The following TLN1 variants were observed in gnomAD, a reference collection of about 807,000 sequenced individuals.
The protein encoded by TLN1 is talin 1, also known as talin-1.
A neutral mutation model predicts 292.3 loss-of-function variants in TLN1; 56 were observed. That is an observed-to-expected ratio of 0.19 (90% CI 0.15 to 0.24). TLN1 has a LOEUF of 0.24. Ranked by LOEUF, TLN1 falls within the 10% of genes least tolerant of loss-of-function variation. The pLI is 1.00. For missense variants in TLN1, 2,433 were observed against 3,248.2 expected, an observed-to-expected ratio of 0.75 and a Z score of 6.10; for synonymous variants, 1,119 against 1,253.7, an observed-to-expected ratio of 0.89 and a Z score of 2.27.
In TLN1 at chr9:35,713,335, GAGA is replaced by G. The variant is rs777715574; in HGVS notation, c.3250-40_3250-38del. The G allele has an allele frequency of 9.1e-6, 14 of 1,531,354 alleles. No homozygotes were observed. In the Admixed American group the frequency reaches 2.6e-4, roughly 29 times the overall value. 94.9% of individuals were successfully genotyped at this position (1,531,354 alleles called of 1,614,324 possible). Reference sequence around the variant, plus strand: ...GGGGGAAGAATTGGGCTTGAGAAAGGAGAAGGTGAGGAGAAGGAACCTGAGAAG... The same window carrying G: ...GGGGGAAGAATTGGGCTTGAGAAAGGAGGTGAGGAGAAGGAACCTGAGAAG... On this transcript the variant is annotated intron_variant, in intron 25 of 56. Coordinates refer to ENST00000314888, the MANE Select transcript of TLN1 (RefSeq NM_006289.4).
chr9:35,713,822 G>C lies in TLN1; in HGVS notation c.3249+131C>G. 3 of 979,694 alleles carry C rather than the reference G, an allele frequency of 3.1e-6. No homozygotes were observed. In the East Asian group the frequency reaches 8.1e-5, roughly 26 times the overall value. 60.7% of individuals were successfully genotyped at this position (979,694 alleles called of 1,614,324 possible). On this transcript the variant is annotated intron_variant, in intron 25 of 56. Transcript: ENST00000314888. ...AAAGAAAAAAGGAAGGAAGAAGAAA[G>C]AAAAGAAAAATAAAAGAGAGAAAGA...
Position 35,704,860 on chromosome 9 carries a change from AGGGTACCTTCACTGT to A in TLN1, c.5734-60_5734-46del, listed in dbSNP as rs1825535248. 3.1e-6 allele frequency: 5 copies of A among 1,598,590 alleles called. No individual in the cohort carries two copies. The highest frequency in any genetic ancestry group is 4.3e-6 in the Non-Finnish European group (5 of 1,168,854). On this transcript the variant is annotated intron_variant, in intron 43 of 56. Coordinates refer to ENST00000314888, the MANE Select transcript of TLN1 (RefSeq NM_006289.4). This position sits in a 1 kb window ranked among gnomAD's most constrained non-coding sequence, Gnocchi z 6.9. Reference sequence around the variant, plus strand: ...CAGATGGATTTTACAAGGGGCACTCAGGGTACCTTCACTGTGCTTGGAAAAGTCACTAAGGACATA... The same window carrying A: ...CAGATGGATTTTACAAGGGGCACTCAGCTTGGAAAAGTCACTAAGGACATA...
chr9:35,713,857 A>C (rs1825725234), intron 25 of TLN1, 96 bp downstream of exon 25: 1 of 1,351,432 alleles, frequency 7.4e-7, no homozygotes, highest in Admixed American at 2.4e-5. Flanking sequence ...AGAAAAAAGA[A>C]AAAGGAAGGA....
chr9:35,703,809 T>C lies in TLN1; in HGVS notation c.6323A>G (p.Asp2108Gly), dbSNP rs879002543. The C allele has an allele frequency of 1.9e-6, 3 of 1,614,110 alleles. No homozygotes were observed. Among genetic ancestry groups the C allele is most frequent in the African/African-American group, 2.7e-5 (2 of 74,936 alleles). ...GTTCTTTAGCTGCCACACAGCAGGG[T>C]CATCTCCAACTTTGCCAGCTGCAGC... ...TKAAAGKVGDDPAVWQLKNSA... is the reference protein window; with the variant it reads ...TKAAAGKVGDGPAVWQLKNSA... The change falls in exon 47 of 57, where the codon GAC becomes GGC. Residue 2108 changes from aspartate to glycine, a missense_variant. By Grantham distance (94) the Asp-to-Gly change is moderately conservative. Transcript: ENST00000314888.
rs150396007 is a variant in TLN1, at chr9:35,703,329, G to A, written c.6474+231C>T. Among the ~76,000 whole-genome samples the A allele has an allele frequency of 2.3e-4, 35 of 152,284 alleles. No homozygotes were observed. The East Asian group carries it at 5.4e-3, about 23-fold the overall frequency. ...ACATGGTGACTGAGGAAGATGCCATGTGAAATGGAAAGGTCACCCACACCT... is the reference window on the plus strand; with the variant it reads ...ACATGGTGACTGAGGAAGATGCCATATGAAATGGAAAGGTCACCCACACCT... On this transcript the variant is annotated intron_variant, in intron 48 of 56. Coordinates refer to ENST00000314888, the MANE Select transcript of TLN1 (RefSeq NM_006289.4).
Position 35,711,795 on chromosome 9 carries a change from G to A in TLN1, c.3682-3C>T, listed in dbSNP as rs1471233026. On this transcript the variant is annotated splice_polypyrimidine_tract_variant and splice_region_variant and intron_variant, in intron 28 of 56. Coordinates refer to ENST00000314888, the MANE Select transcript of TLN1 (RefSeq NM_006289.4). The stretch of plus-strand genomic sequence containing the variant: ...AATGTCCCAGTGCTAGGAGGAAGCT[G>A]CAAGGTGAGAGGGGAAGTCAGACAG... 4 of 1,613,952 alleles carry A rather than the reference G, an allele frequency of 2.5e-6. No individual in the cohort carries two copies. The highest frequency in any genetic ancestry group is 2.5e-6 in the Non-Finnish European group (3 of 1,180,026).
In TLN1 at chr9:35,719,934, A is replaced by G; in HGVS notation, c.1465-81T>C. The G allele has an allele frequency of 1.9e-6, 3 of 1,582,082 alleles. No individual in the cohort carries two copies. Among genetic ancestry groups the G allele is most frequent in the Non-Finnish European group, 2.6e-6 (3 of 1,159,450 alleles). ...GGTAAAAGAGAACCAGGGTCTAGGG[A>G]GAGAATACAAATAGGGACCTGGGAA... On this transcript the variant is annotated intron_variant, in intron 13 of 56. Coordinates refer to ENST00000314888, the MANE Select transcript of TLN1 (RefSeq NM_006289.4). This position sits in a 1 kb window ranked among gnomAD's most constrained non-coding sequence, Gnocchi z 4.6.
chr9:35,714,158 CG>C lies in TLN1; in HGVS notation c.3121-78del. The C allele has an allele frequency of 6.2e-7, 1 of 1,601,890 alleles. No homozygotes were observed. The highest frequency in any genetic ancestry group is 1.1e-5 in the South Asian group (1 of 90,320). ...ATGCCTCTGATTACACAATTATCTGCGTATTGGGTTATTCTGCACAGATTTC... is the reference window on the plus strand; with the variant it reads ...ATGCCTCTGATTACACAATTATCTGCTATTGGGTTATTCTGCACAGATTTC... On this transcript the variant is annotated intron_variant, in intron 24 of 56. Coordinates refer to ENST00000314888, the MANE Select transcript of TLN1 (RefSeq NM_006289.4). This position sits in a 1 kb window ranked among gnomAD's most constrained non-coding sequence, Gnocchi z 4.6.
rs199962431 is a variant in TLN1, at chr9:35,706,471, T to C, written c.5169A>G (p.Glu1723=). 1.2e-6 allele frequency: 2 copies of C among 1,614,096 alleles called. No homozygotes were observed. The highest frequency in any genetic ancestry group is 2.7e-5 in the African/African-American group (2 of 75,038). ...IEPLANAARA[E]ASQLGHKVSQ... ...GTACCTTGTGTCCCAGCTGGGAGGC[T>C]TCAGCCCGGGCAGCATTGGCCAGCG... The change falls in exon 39 of 57, where the codon GAA becomes GAG. Residue 1723 remains glutamate, a synonymous_variant. Coordinates refer to ENST00000314888, the MANE Select transcript of TLN1 (RefSeq NM_006289.4). The surrounding 1 kb of genome is among the most constrained non-coding windows in gnomAD (Gnocchi z 4.2).
In TLN1 at chr9:35,721,792, T is replaced by C. The variant is rs769840544; in HGVS notation, c.960A>G (p.Lys320=). 1.6e-5 allele frequency: 25 copies of C among 1,608,990 alleles called. No individual in the cohort carries two copies. The highest frequency in any genetic ancestry group is 2.1e-5 in the Non-Finnish European group (25 of 1,175,672). ...GCCTGGGCACTAGCTTGTTCTTCCC[T>C]TTCATTTTTTCCTATGAGGCAGAGG... is the stretch of plus-strand genomic sequence containing the variant. The part of the protein sequence containing the change: ...VSFFLVKEKM[K]GKNKLVPRLL... The change falls in exon 10 of 57, where the codon AAA becomes AAG. Residue 320 remains lysine (K), a synonymous_variant. Coordinates refer to ENST00000314888, the MANE Select transcript of TLN1 (RefSeq NM_006289.4).
In TLN1 at chr9:35,699,153, G is replaced by A; in HGVS notation, c.6878C>T (p.Thr2293Ile). ...GGGGTCCTCTGGGTCTACCCATTCT[G>A]TTCCTGGTGGGATGAAGGAAGAGGA... ...LIQAAEAMKG[T>I]EWVDPEDPTV... The change falls in exon 52 of 57, where the codon ACA (threonine) becomes ATA (isoleucine). Residue 2293 changes from threonine (T) to isoleucine (I), a missense_variant. This residue lies in a region of TLN1 where 1,384 missense variants were observed against 1,699.6 expected (regional missense o/e 0.81). Coordinates refer to ENST00000314888, the MANE Select transcript of TLN1 (RefSeq NM_006289.4). This position sits in a 1 kb window ranked among gnomAD's most constrained non-coding sequence, Gnocchi z 4.0. 1 of 1,604,678 alleles carries A rather than the reference G, an allele frequency of 6.2e-7. No individual in the cohort carries two copies. Among genetic ancestry groups the A allele is most frequent in the Non-Finnish European group, 8.5e-7 (1 of 1,174,354 alleles).
rs1346127875 is a variant in TLN1 at position 35,703,549 on chromosome 9, C to T, written c.6474+11G>A. ...TGACCCTAGTCACTGATGCCCCAGA[C>T]TCTCACTCACCGCCAGCTCCTGCCG... is the stretch of plus-strand genomic sequence containing the variant. On this transcript the variant is annotated intron_variant, in intron 48 of 56. Coordinates refer to ENST00000314888, the MANE Select transcript of TLN1 (RefSeq NM_006289.4). 1 of 1,613,298 alleles carries T rather than the reference C, an allele frequency of 6.2e-7. No homozygotes were observed. Among genetic ancestry groups the T allele is most frequent in the Non-Finnish European group, 8.5e-7 (1 of 1,179,338 alleles).
Position 35,699,921 on chromosome 9 carries a change from G to C in TLN1, c.6768+53C>G. On this transcript the variant is annotated intron_variant, in intron 50 of 56. Coordinates refer to ENST00000314888, the MANE Select transcript of TLN1 (RefSeq NM_006289.4). This position sits in a 1 kb window ranked among gnomAD's most constrained non-coding sequence, Gnocchi z 4.0. ...GCAGGGTGCGAGGCCTGCAGGAAGA[G>C]GGCTGTGTATTCAGGGAGGCTGGTA... The C allele has an allele frequency of 6.5e-7, 1 of 1,541,880 alleles. No individual in the cohort carries two copies. The highest frequency in any genetic ancestry group is 8.9e-7 in the Non-Finnish European group (1 of 1,127,256).
intron 3 of TLN1, 112 bp downstream of exon 3, chr9:35,725,112 G>GA: frequency 6.5e-7 from 1 of 1,530,674 alleles, no homozygotes; most frequent in Non-Finnish European, 9.0e-7. Flanking sequence ...TTAATAGGAA[G>GA]AAAGCATGGG....
In TLN1 at chr9:35,717,362, C is replaced by T; in HGVS notation, c.2242G>A (p.Glu748Lys). The change falls in exon 19 of 57, where the codon GAG (glutamate) becomes AAG (lysine). Residue 748 changes from glutamate to lysine, a missense_variant. By Grantham distance (56) the Glu-to-Lys change is moderately conservative. This residue lies in a region of TLN1 where 617 missense variants were observed against 770.6 expected (regional missense o/e 0.80). Transcript: ENST00000314888. This position sits in a 1 kb window ranked among gnomAD's most constrained non-coding sequence, Gnocchi z 4.7. The part of the protein sequence containing the change: ...EAGRLVAKAV[E>K]GCVSASQAAT... ...GCCTGGGAGGCAGACACACAGCCCTCCACGGCTTTGGCTACCAGTCGTCCA... is the reference window on the plus strand; with the variant it reads ...GCCTGGGAGGCAGACACACAGCCCTTCACGGCTTTGGCTACCAGTCGTCCA... The T allele has an allele frequency of 6.2e-7, 1 of 1,614,180 alleles. No homozygotes were observed. Among genetic ancestry groups the T allele is most frequent in the East Asian group, 2.2e-5 (1 of 44,880 alleles).
Position 35,714,350 on chromosome 9 carries a change from A to G in TLN1, c.3009T>C (p.Ala1003=). ...FLQPGGKMVA[A]AKASVPTIQD... is the part of the protein sequence containing the mutation. The stretch of plus-strand genomic sequence containing the variant: ...GAATCGTTGGCACTGAGGCCTTTGC[A>G]GCTGCCACCATCTTCCCACCTGGCT... The change falls in exon 24 of 57, where the codon GCT becomes GCC. Residue 1003 remains alanine, a synonymous_variant. Coordinates refer to ENST00000314888, the MANE Select transcript of TLN1 (RefSeq NM_006289.4). The surrounding 1 kb of genome is among the most constrained non-coding windows in gnomAD (Gnocchi z 4.6). 2 of 1,612,246 alleles carry G rather than the reference A, an allele frequency of 1.2e-6. No individual in the cohort carries two copies. Among genetic ancestry groups the G allele is most frequent in the Non-Finnish European group, 1.7e-6 (2 of 1,178,936 alleles).
rs1351302669 is a variant in TLN1 at position 35,699,485 on chromosome 9, C to T, written c.6769-24G>A. ...GTCTGGGCAAGAAGCGGGCAGGGGA[C>T]AAAGAGCATCACATCTTAGGGTCTA... On this transcript the variant is annotated intron_variant, in intron 50 of 56. Coordinates refer to ENST00000314888, the MANE Select transcript of TLN1 (RefSeq NM_006289.4). This position sits in a 1 kb window ranked among gnomAD's most constrained non-coding sequence, Gnocchi z 4.0. The T allele has an allele frequency of 3.1e-6, 5 of 1,601,310 alleles. No individual in the cohort carries two copies. Among genetic ancestry groups the T allele is most frequent in the Non-Finnish European group, 4.3e-6 (5 of 1,173,274 alleles).
rs1825408931 is a variant in TLN1, at chr9:35,698,585, CTG to C, written c.7188+30_7188+31del. Reference sequence around the variant, plus strand: ...CTCCAGCCTTCTCAAGTCTCTCAAACTGAGAGAGACCTAGTGGTATTGCACAC... The same window carrying C: ...CTCCAGCCTTCTCAAGTCTCTCAAACAGAGAGACCTAGTGGTATTGCACAC... On this transcript the variant is annotated intron_variant, in intron 54 of 56. Transcript: ENST00000314888. The surrounding 1 kb of genome is among the most constrained non-coding windows in gnomAD (Gnocchi z 5.3). 2.5e-6 allele frequency: 4 copies of C among 1,613,904 alleles called. No homozygotes were observed. The highest frequency in any genetic ancestry group is 3.4e-6 in the Non-Finnish European group (4 of 1,179,942).
At position 35,717,936 on chromosome 9, in the gene TLN1, C is replaced by T; in HGVS notation, c.1996-150G>A. The T allele has an allele frequency of 2.3e-6, 2 of 888,584 alleles. No individual in the cohort carries two copies. The highest frequency in any genetic ancestry group is 3.3e-6 in the Non-Finnish European group (2 of 599,094). The allele number at this position is 888,584 out of a possible 1,614,324, so 55.0% of individuals were successfully genotyped here. On this transcript the variant is annotated intron_variant, in intron 17 of 56. Transcript: ENST00000314888. This position sits in a 1 kb window ranked among gnomAD's most constrained non-coding sequence, Gnocchi z 4.7. ...CCAGAACCTACCCCGAGCTACTGCC[C>T]TGAGCACCCAGCAGGACAGAACCCC... is the stretch of plus-strand genomic sequence containing the variant.
Sources: allele counts gnomAD v4.1 joint callset (sites outside exome capture counted in the v4.1 genomes callset), GRCh38; gene constraint gnomAD v4.1.1; regional missense constraint gnomAD v4.1.1; non-coding constraint Gnocchi (gnomAD v3.1); transcripts MANE v1.5; gene names NCBI Gene and HGNC (gene_info 2026-07-23, HGNC 2026-07-21).